Variants in SPOCK3 observed in about 807,000 individuals in gnomAD.
SPOCK3 encodes testican-3.
In SPOCK3, 30 loss-of-function variants were observed where a neutral mutation model predicts 56.6. That is an observed-to-expected ratio of 0.53 (90% CI 0.40 to 0.72). The LOEUF (loss-of-function observed/expected upper bound fraction) is 0.72. Among genes scored for constraint, SPOCK3 ranks in the 30% least tolerant of loss-of-function variants. SPOCK3 has a pLI of 0.00. For missense variants in SPOCK3, 527 were observed against 530.0 expected, an observed-to-expected ratio of 0.99 and a Z score of 0.06; for synonymous variants, 196 against 183.3, an observed-to-expected ratio of 1.07 and a Z score of -0.56.
At chr4:166,788,832 GT>G (rs1345761556) in intron 7 of SPOCK3, among the ~76,000 whole-genome samples, 1 of 151,746 alleles carries the variant, frequency 6.6e-6, no homozygotes, top group Non-Finnish European at 1.5e-5. Flanking sequence ...TGAATAAAAT[GT>G]AAAAATTATA....
chr4:166,746,008 A>C (rs1735561313), intron 8 of SPOCK3, among the ~76,000 whole-genome samples: 1 of 152,204 alleles, frequency 6.6e-6, no homozygotes, highest in African/African-American at 2.4e-5. Context: ...AGACCTACAA[A>C]GAGACTTAGA....
chr4:166,980,516 C>G (rs1051239723), intron 4 of SPOCK3, among the ~76,000 whole-genome samples: 12 of 152,198 alleles, frequency 7.9e-5, no homozygotes, highest in Non-Finnish European at 1.6e-4. Flanking sequence ...ACCCACTCAG[C>G]CTGGCAGGCT....
chr4:167,175,715 C>T (rs1244800179), intron 2 of SPOCK3, among the ~76,000 whole-genome samples: 1 of 152,062 alleles, frequency 6.6e-6, no homozygotes, highest in African/African-American at 2.4e-5. Flanking sequence ...AGATCCTTCC[C>T]TCAGAGTCCT....
chr4:167,125,476 G>A (rs1762196551), intron 2 of SPOCK3, among the ~76,000 whole-genome samples: 1 of 150,430 alleles, frequency 6.6e-6, no homozygotes, highest in Admixed American at 6.6e-5. Context: ...CACTTTGGGA[G>A]GCTGAAGCGG....
rs1204173216 is a variant in SPOCK3 at position 167,057,403 on chromosome 4, T to A, written c.235+5089A>T. Among the ~76,000 whole-genome samples the A allele has an allele frequency of 1.3e-4, 19 of 151,594 alleles. No individual in the cohort carries two copies. In the South Asian group the frequency reaches 4.0e-3, roughly 32 times the overall value. ...CTAACGAGCAAAATAACCAGCTAAC[T>A]TCATAATGACAGGATCAAATTCACA... On this transcript the variant is annotated intron_variant, in intron 3 of 10. Coordinates refer to ENST00000357545, the MANE Select transcript of SPOCK3 (RefSeq NM_001040159.2).
intron 2 of SPOCK3, among the ~76,000 whole-genome samples, chr4:167,134,998 G>A (rs977045491): frequency 6.6e-6 from 1 of 151,754 alleles, no homozygotes; most frequent in African/African-American, 2.4e-5. Context: ...TCCCAACACT[G>A]ATCTTGACTT....
At chr4:167,138,209 G>A (rs1366774007) in intron 2 of SPOCK3, among the ~76,000 whole-genome samples, 1 of 151,720 alleles carries the variant, frequency 6.6e-6, no homozygotes, top group Non-Finnish European at 1.5e-5. Flanking sequence ...GATCAGACAT[G>A]ATAAAGGAAG....
chr4:166,963,231 TTAAG>T (rs1561061847), intron 4 of SPOCK3, among the ~76,000 whole-genome samples: 1 of 152,040 alleles, frequency 6.6e-6, no homozygotes, highest in African/African-American at 2.4e-5. Flanking sequence ...CTAAAATTAG[TTAAG>T]TAAGAGCATC....
chr4:166,771,721 C>T (rs1218793441), intron 7 of SPOCK3, among the ~76,000 whole-genome samples: 1 of 151,980 alleles, frequency 6.6e-6, no homozygotes, highest in Non-Finnish European at 1.5e-5. Context: ...GTGGAATAAG[C>T]TTTCCTCAAA....
At chr4:166,983,771 G>A (rs1229755663) in intron 4 of SPOCK3, among the ~76,000 whole-genome samples, 3 of 151,864 alleles carry the variant, frequency 2.0e-5, no homozygotes, top group African/African-American at 4.8e-5. Flanking sequence ...GCCCCTATGT[G>A]GAATTATGTA....
chr4:166,898,983 A>T (rs1344672202), intron 5 of SPOCK3, among the ~76,000 whole-genome samples: 1 of 152,026 alleles, frequency 6.6e-6, no homozygotes, highest in Non-Finnish European at 1.5e-5. Flanking sequence ...TCTGGATAGA[A>T]TAAAAAAGGC....
chr4:167,159,433 G>A (rs1480438079), intron 2 of SPOCK3, among the ~76,000 whole-genome samples: 1 of 151,856 alleles, frequency 6.6e-6, no homozygotes, highest in Non-Finnish European at 1.5e-5. Flanking sequence ...TATAACCGGA[G>A]GAAAGGAACA....
intron 4 of SPOCK3, among the ~76,000 whole-genome samples, chr4:166,922,493 C>A (rs1472899644): frequency 6.6e-6 from 1 of 152,142 alleles, no homozygotes; most frequent in Non-Finnish European, 1.5e-5. Context: ...TTCTAACAAT[C>A]ACCTATATAG....
intron 4 of SPOCK3, among the ~76,000 whole-genome samples, chr4:166,943,020 C>T (rs115323586): frequency 7.3e-4 from 111 of 152,192 alleles, no homozygotes; most frequent in Middle Eastern, 6.8e-3. Flanking sequence ...CATTGCATTC[C>T]ATGTAAATAG....
At chr4:166,953,257 A>C (rs1319206279) in intron 4 of SPOCK3, among the ~76,000 whole-genome samples, 1 of 152,178 alleles carries the variant, frequency 6.6e-6, no homozygotes, top group Non-Finnish European at 1.5e-5. Context: ...AAACAACCCC[A>C]TCAAAAAGTG....
intron 2 of SPOCK3, among the ~76,000 whole-genome samples, chr4:167,102,218 T>C (rs1759715094): frequency 6.6e-6 from 1 of 152,064 alleles, no homozygotes. Flanking sequence ...TTTCAGCTGT[T>C]ATTTGGAATG....
chr4:167,174,365 T>C (rs1374159608), intron 2 of SPOCK3, among the ~76,000 whole-genome samples: 1 of 151,912 alleles, frequency 6.6e-6, no homozygotes, highest in Non-Finnish European at 1.5e-5. Flanking sequence ...GTACATTTTA[T>C]GTTTCAGGGA....
chr4:166,745,794 A>T (rs1735533577), intron 8 of SPOCK3, among the ~76,000 whole-genome samples: 1 of 152,206 alleles, frequency 6.6e-6, no homozygotes, highest in African/African-American at 2.4e-5. Flanking sequence ...ATGGAGGAAG[A>T]TCTACTAAAC....
intron 2 of SPOCK3, among the ~76,000 whole-genome samples, chr4:167,100,465 A>G (rs1759544042): frequency 6.7e-6 from 1 of 148,158 alleles, no homozygotes; most frequent in Non-Finnish European, 1.5e-5. Context: ...TCTCACACAC[A>G]CACACCCACA....
Sources: allele counts gnomAD v4.1 joint callset (sites outside exome capture counted in the v4.1 genomes callset), GRCh38; gene constraint gnomAD v4.1.1; transcripts MANE v1.5; gene names NCBI Gene and HGNC (gene_info 2026-07-23, HGNC 2026-07-21).